FSTL5: variants seen among roughly 807,000 people sequenced by gnomAD.
FSTL5 encodes follistatin like 5.
In FSTL5, 62 loss-of-function variants were observed where a neutral mutation model predicts 89.1. The observed-to-expected ratio is 0.70, with a 90% CI of 0.57 to 0.86. The LOEUF (loss-of-function observed/expected upper bound fraction) is 0.86, where lower values mean the gene tolerates loss of function less well. Among genes scored for constraint, FSTL5 ranks in the 40% least tolerant of loss-of-function variants. FSTL5 has a pLI of 0.00. For missense variants in FSTL5, 1,057 were observed against 1,001.6 expected, an observed-to-expected ratio of 1.06 and a Z score of -0.75; for synonymous variants, 383 against 346.2, an observed-to-expected ratio of 1.11 and a Z score of -1.18.
chr4:161,996,259 G>A (rs1736291313), intron 3 of FSTL5, among the ~76,000 whole-genome samples: 1 of 152,184 alleles, frequency 6.6e-6, no homozygotes, highest in Admixed American at 6.5e-5. Flanking sequence ...TCCAGTGGGT[G>A]GCTGCAGGCA....
At chr4:161,392,536 A>G (rs1730855064) in intron 15 of FSTL5, among the ~76,000 whole-genome samples, 1 of 152,230 alleles carries the variant, frequency 6.6e-6, no homozygotes, top group Admixed American at 6.5e-5. Flanking sequence ...AAATCTGTGT[A>G]CATCATATAC....
chr4:161,925,957 A>T (rs1734109759), intron 3 of FSTL5, among the ~76,000 whole-genome samples: 1 of 151,992 alleles, frequency 6.6e-6, no homozygotes, highest in African/African-American at 2.4e-5. Flanking sequence ...ACACAATTAA[A>T]TATTTTGATT....
chr4:162,095,605 T>C (rs1490963641), intron 2 of FSTL5, among the ~76,000 whole-genome samples: 1 of 151,888 alleles, frequency 6.6e-6, no homozygotes, highest in Admixed American at 6.6e-5. Context: ...AGCAGAAAAA[T>C]GGGTTTTTAA....
chr4:161,960,076 T>G (rs1735133374), intron 3 of FSTL5, among the ~76,000 whole-genome samples: 1 of 152,188 alleles, frequency 6.6e-6, no homozygotes, highest in African/African-American at 2.4e-5. Context: ...AGAACTTAAC[T>G]GTTTAATTAG....
chr4:161,493,097 GA>G (rs1188296639), intron 12 of FSTL5, among the ~76,000 whole-genome samples: 2 of 151,810 alleles, frequency 1.3e-5, no homozygotes, highest in Non-Finnish European at 2.9e-5. Context: ...TAAACAATGA[GA>G]AATTAAGCCA....
At chr4:161,534,702 TCTCA>T (rs911618785) in intron 10 of FSTL5, among the ~76,000 whole-genome samples, 36 of 152,024 alleles carry the variant, frequency 2.4e-4, no homozygotes, top group African/African-American at 8.2e-4. Flanking sequence ...CAATGTTGTA[TCTCA>T]CAGTATTAGA....
chr4:161,956,517 A>C (rs1213974723), intron 3 of FSTL5, among the ~76,000 whole-genome samples: 2 of 151,940 alleles, frequency 1.3e-5, no homozygotes, highest in Non-Finnish European at 2.9e-5. Flanking sequence ...CAGAAACAGA[A>C]AATATTTGCA....
At chr4:161,613,025 A>G (rs1488563540) in intron 7 of FSTL5, among the ~76,000 whole-genome samples, 1 of 152,172 alleles carries the variant, frequency 6.6e-6, no homozygotes, top group African/African-American at 2.4e-5. Context: ...ATTAGATAGT[A>G]AGAGATCTTT....
At chr4:161,795,668 T>C (rs1729610917) in intron 4 of FSTL5, among the ~76,000 whole-genome samples, 1 of 152,098 alleles carries the variant, frequency 6.6e-6, no homozygotes, top group African/African-American at 2.4e-5. Context: ...TTCATTATTT[T>C]GCATGAGGAA....
At chr4:161,950,272 G>C (rs974414093) in intron 3 of FSTL5, among the ~76,000 whole-genome samples, 1 of 152,084 alleles carries the variant, frequency 6.6e-6, no homozygotes, top group Non-Finnish European at 1.5e-5. Context: ...TTTAACATGG[G>C]AGACTTAACT....
At chr4:161,573,159 C>G (rs1240063710) in intron 8 of FSTL5, among the ~76,000 whole-genome samples, 1 of 152,116 alleles carries the variant, frequency 6.6e-6, no homozygotes, top group Admixed American at 6.5e-5. Flanking sequence ...CCTGTAGTCC[C>G]AGCATTTTGG....
intron 8 of FSTL5, among the ~76,000 whole-genome samples, chr4:161,564,717 A>C (rs1050634254): frequency 6.6e-6 from 1 of 151,444 alleles, no homozygotes; most frequent in Non-Finnish European, 1.5e-5. Flanking sequence ...CAAAGACATA[A>C]TTATTATTAT....
chr4:161,470,033 A>G (rs1238961155), intron 13 of FSTL5, among the ~76,000 whole-genome samples: 1 of 151,984 alleles, frequency 6.6e-6, no homozygotes, highest in Non-Finnish European at 1.5e-5. Flanking sequence ...ATCTTCTTCT[A>G]TTATGTGGGT....
chr4:161,902,201 A>G (rs1733386520), intron 4 of FSTL5, among the ~76,000 whole-genome samples: 1 of 152,184 alleles, frequency 6.6e-6, no homozygotes, highest in Non-Finnish European at 1.5e-5. Context: ...GGCAGTTTGT[A>G]AAATCAGGTT....
At chr4:161,771,259 C>T (rs1741199957) in intron 5 of FSTL5, among the ~76,000 whole-genome samples, 1 of 152,076 alleles carries the variant, frequency 6.6e-6, no homozygotes, top group Non-Finnish European at 1.5e-5. Context: ...TAATCTACTA[C>T]ATCTTCACAA....
At chr4:161,650,611 A>G (rs1736304320) in intron 7 of FSTL5, among the ~76,000 whole-genome samples, 1 of 152,188 alleles carries the variant, frequency 6.6e-6, no homozygotes, top group Admixed American at 6.5e-5. Flanking sequence ...AATAGAATAA[A>G]TGACATACAT....
chr4:162,140,985 G>A (rs989442239), intron 1 of FSTL5, among the ~76,000 whole-genome samples: 1 of 151,644 alleles, frequency 6.6e-6, no homozygotes, highest in African/African-American at 2.4e-5. Flanking sequence ...GGGTCATGGG[G>A]GTAGATCTCT....
chr4:162,153,658 T>TATAATATATGTATATTATATATGTATATA (rs1733322443), intron 1 of FSTL5, among the ~76,000 whole-genome samples: 1 of 122,532 alleles, frequency 8.2e-6, no homozygotes, highest in Non-Finnish European at 1.7e-5. Flanking sequence ...TATATATGTA[T>TATAATATATGTATATTATATATGTATATA]ATAATATATG....
chr4:162,026,929 T>G (rs1383714360), intron 3 of FSTL5, among the ~76,000 whole-genome samples: 1 of 152,110 alleles, frequency 6.6e-6, no homozygotes, highest in Non-Finnish European at 1.5e-5. Flanking sequence ...GCAAAATAAA[T>G]CACACTGAAA....
Sources: allele counts gnomAD v4.1 joint callset (sites outside exome capture counted in the v4.1 genomes callset), GRCh38; gene constraint gnomAD v4.1.1; transcripts MANE v1.5; gene names NCBI Gene and HGNC (gene_info 2026-07-23, HGNC 2026-07-21).